The following FHIT variants were observed in gnomAD, a reference collection of about 807,000 sequenced individuals.
FHIT encodes bis(5'-adenosyl)-triphosphatase.
Under a neutral mutation model 17.9 loss-of-function variants are expected in FHIT, and 19 were observed. The ratio of observed to expected loss-of-function variants is 1.06; its 90% CI spans 0.74 to 1.56. The LOEUF is 1.56. Ranked by LOEUF, FHIT falls within the 40% of genes most tolerant of loss-of-function variation. The pLI, the probability that FHIT is intolerant of heterozygous loss-of-function variation, is 0.00. For synonymous variants in FHIT, 81 were observed against 69.7 expected (o/e 1.16, Z -0.81); for missense variants, 248 against 189.2 (o/e 1.31, Z -1.82).
At chr3:60,633,904 T>C (rs1260485212) in intron 4 of FHIT, among the ~76,000 whole-genome samples, 1 of 152,184 alleles carries the variant, frequency 6.6e-6, no homozygotes, top group African/African-American at 2.4e-5. Context: ...TCCCAACAAT[T>C]TCCAGTTCAG....
At chr3:59,804,204 C>G (rs1019028679) in intron 8 of FHIT, among the ~76,000 whole-genome samples, 1 of 152,208 alleles carries the variant, frequency 6.6e-6, no homozygotes, top group African/African-American at 2.4e-5. Flanking sequence ...ATGAAACCCA[C>G]AAGAAGAGTT....
chr3:60,422,738 T>G (rs1332473856), intron 5 of FHIT, among the ~76,000 whole-genome samples: 1 of 152,108 alleles, frequency 6.6e-6, no homozygotes, highest in Admixed American at 6.6e-5. Context: ...CTTCCACAAA[T>G]AGCAGCCTGG....
chr3:60,115,352 G>T (rs1481825644), intron 5 of FHIT, among the ~76,000 whole-genome samples: 1 of 152,056 alleles, frequency 6.6e-6, no homozygotes, highest in Non-Finnish European at 1.5e-5. Flanking sequence ...TAAATTTAAA[G>T]CATGAGTAGT....
intron 4 of FHIT, among the ~76,000 whole-genome samples, chr3:60,668,956 G>A (rs2107838957): frequency 6.6e-6 from 1 of 152,220 alleles, no homozygotes; most frequent in East Asian, 1.9e-4. Flanking sequence ...GGGAAAATGG[G>A]TCTACATCAT....
At chr3:59,798,980 C>T (rs1293240157) in intron 8 of FHIT, among the ~76,000 whole-genome samples, 1 of 152,204 alleles carries the variant, frequency 6.6e-6, no homozygotes, top group Non-Finnish European at 1.5e-5. Flanking sequence ...GGTGAACTCT[C>T]AGAAAGCCTT....
intron 5 of FHIT, among the ~76,000 whole-genome samples, chr3:60,510,708 C>G (rs894285979): frequency 6.6e-6 from 1 of 151,756 alleles, no homozygotes; most frequent in African/African-American, 2.4e-5. Context: ...GAACCTGCTC[C>G]CCCACCTCCC....
intron 3 of FHIT, among the ~76,000 whole-genome samples, chr3:61,012,509 TGAGA>T: frequency 6.6e-6 from 1 of 152,232 alleles, no homozygotes; most frequent in African/African-American, 2.4e-5. Flanking sequence ...CTTATGTATG[TGAGA>T]AAGATTTCTC....
At chr3:60,338,757 G>A (rs1030483391) in intron 5 of FHIT, among the ~76,000 whole-genome samples, 2 of 152,134 alleles carry the variant, frequency 1.3e-5, no homozygotes, top group Non-Finnish European at 2.9e-5. Flanking sequence ...GTACTGTGAT[G>A]GGGAATAAAC....
At chr3:61,185,013 G>C (rs1385887548) in intron 2 of FHIT, among the ~76,000 whole-genome samples, 1 of 152,112 alleles carries the variant, frequency 6.6e-6, no homozygotes, top group Non-Finnish European at 1.5e-5. Context: ...TTTCTAGCAC[G>C]GCATCCAATC....
intron 8 of FHIT, among the ~76,000 whole-genome samples, chr3:59,778,332 C>G (rs1244996219): frequency 6.6e-6 from 1 of 152,164 alleles, no homozygotes; most frequent in Non-Finnish European, 1.5e-5. Flanking sequence ...GGGAGGAAGT[C>G]TAAAATCTTC....
chr3:60,129,049 G>GTTGTTTTTTTTTTTTTTTTTTTTTTTT (rs759645654), intron 5 of FHIT, among the ~76,000 whole-genome samples: 2 of 121,042 alleles, frequency 1.7e-5, no homozygotes, highest in African/African-American at 3.6e-5. Context: ...TTCCTTTTTT[G>GTTGTTTTTTTTTTTTTTTTTTTTTTTT]TTTGTTTTTT....
At chr3:60,346,971 G>T (rs17600161) in intron 5 of FHIT, among the ~76,000 whole-genome samples, 1 of 151,912 alleles carries the variant, frequency 6.6e-6, no homozygotes, top group Non-Finnish European at 1.5e-5. Context: ...TCTATCAGGC[G>T]TATCATCTAG....
intron 5 of FHIT, among the ~76,000 whole-genome samples, chr3:60,441,108 G>A (rs2030757661): frequency 1.3e-5 from 2 of 151,824 alleles, no homozygotes; most frequent in African/African-American, 2.4e-5. Context: ...GGTAGAACCA[G>A]GTGATATCAC....
chr3:59,898,273 T>C (rs1307952593), intron 8 of FHIT, among the ~76,000 whole-genome samples: 1 of 152,214 alleles, frequency 6.6e-6, no homozygotes, highest in Non-Finnish European at 1.5e-5. Flanking sequence ...TTGGGTCCCA[T>C]TCCCAAGATA....
intron 2 of FHIT, among the ~76,000 whole-genome samples, chr3:61,107,083 C>G (rs2036013936): frequency 6.6e-6 from 1 of 152,108 alleles, no homozygotes; most frequent in Non-Finnish European, 1.5e-5. Flanking sequence ...TTCATTCCTC[C>G]CATAACTGAA....
intron 2 of FHIT, among the ~76,000 whole-genome samples, chr3:61,125,257 G>GTT (rs1485763639): frequency 1.3e-5 from 2 of 152,088 alleles, no homozygotes; most frequent in Non-Finnish European, 2.9e-5. Flanking sequence ...ACATGAACAA[G>GTT]TTTGTGTTTT....
At chr3:59,990,125 A>G (rs935207477) in intron 7 of FHIT, among the ~76,000 whole-genome samples, 14 of 152,048 alleles carry the variant, frequency 9.2e-5, no homozygotes, top group Non-Finnish European at 4.4e-5. Context: ...AAATTTAACC[A>G]TGGATGATTG....
intron 8 of FHIT, among the ~76,000 whole-genome samples, chr3:59,812,569 G>A (rs993802347): frequency 9.2e-5 from 14 of 152,078 alleles, no homozygotes; most frequent in Non-Finnish European, 4.4e-5. Context: ...TATTACAGAG[G>A]GTCAAGTTTC....
chr3:59,847,572 T>A (rs1011581490), intron 8 of FHIT, among the ~76,000 whole-genome samples: 2 of 152,180 alleles, frequency 1.3e-5, no homozygotes, highest in African/African-American at 2.4e-5. Context: ...CATCATTAGG[T>A]CTTTTCAGCT....
Sources: gnomAD v4.1 joint callset for allele counts (sites outside exome capture counted in the v4.1 genomes callset) on GRCh38, gnomAD v4.1.1 for gene constraint, MANE v1.5 for transcripts, NCBI Gene and HGNC (gene_info 2026-07-23, HGNC 2026-07-21) for gene names.